The following GALNT14 variants were observed in gnomAD, a reference collection of about 807,000 sequenced individuals.
GALNT14 encodes the protein UDP-GalNAc:polypeptide N-acetylgalactosaminyltransferase 14.
GALNT14 carries 60 observed loss-of-function variants against 77.5 expected under a neutral mutation model. That is an observed-to-expected ratio of 0.77 (90% CI 0.63 to 0.96). The LOEUF is 0.96. Ranked by LOEUF, GALNT14 falls within the 40% of genes least tolerant of loss-of-function variation. GALNT14 has a pLI of 0.00. For missense variants in GALNT14, 710 were observed against 731.0 expected (o/e 0.97, Z 0.33); for synonymous variants, 280 against 281.7 (o/e 0.99, Z 0.06).
Position 30,949,935 on chromosome 2 carries a change from G to T in GALNT14, c.655-4065C>A, listed in dbSNP as rs10209824. Among the ~76,000 whole-genome samples the T allele has an allele frequency of 1.5e-4, 23 of 152,150 alleles. No individual in the cohort carries two copies. The South Asian group carries it at 3.5e-3, about 23-fold the overall frequency. Reference sequence around the variant, plus strand: ...GAATCCTCAAGGAGGTGACATTGTGGGGAAAGACAAGGACAGCTGGGTTGA... The same window carrying T: ...GAATCCTCAAGGAGGTGACATTGTGTGGAAAGACAAGGACAGCTGGGTTGA... On this transcript the variant is annotated intron_variant, in intron 6 of 14. Coordinates refer to ENST00000349752, the MANE Select transcript of GALNT14 (RefSeq NM_024572.4).
intron 2 of GALNT14, among the ~76,000 whole-genome samples, chr2:30,988,165 T>C (rs1423119142): frequency 6.6e-6 from 1 of 152,168 alleles, no homozygotes; most frequent in East Asian, 1.9e-4. Context: ...CTCCCTTTCA[T>C]TTGTTCAACA....
At chr2:31,009,933 A>G (rs1055378598) in intron 1 of GALNT14, among the ~76,000 whole-genome samples, 3 of 152,154 alleles carry the variant, frequency 2.0e-5, no homozygotes, top group African/African-American at 4.8e-5. Context: ...CACCAACTGC[A>G]TTCTGGAATA....
At chr2:30,993,997 A>C (rs1669872826) in intron 1 of GALNT14, among the ~76,000 whole-genome samples, 1 of 152,190 alleles carries the variant, frequency 6.6e-6, no homozygotes, top group Non-Finnish European at 1.5e-5. Flanking sequence ...GGACACTTAA[A>C]TTTGGTGGTC....
At chr2:31,035,118 G>A (rs533506041) in intron 1 of GALNT14, among the ~76,000 whole-genome samples, 7 of 152,204 alleles carry the variant, frequency 4.6e-5, no homozygotes, top group African/African-American at 7.2e-5. Flanking sequence ...GTTAGTTTGC[G>A]GTGTTGTTCA....
chr2:31,074,477 T>C (rs1675630570), intron 1 of GALNT14, among the ~76,000 whole-genome samples: 1 of 152,254 alleles, frequency 6.6e-6, no homozygotes, highest in South Asian at 2.1e-4. Flanking sequence ...GGGATTCTGC[T>C]GACCTGGGCT....
At chr2:31,102,826 T>A (rs1429178494) in intron 1 of GALNT14, among the ~76,000 whole-genome samples, 1 of 152,164 alleles carries the variant, frequency 6.6e-6, no homozygotes, top group East Asian at 1.9e-4. Context: ...CTGCTGTTTT[T>A]TTCATTGTGA....
At chr2:30,931,552 G>A (rs1463534421) in intron 10 of GALNT14, among the ~76,000 whole-genome samples, 1 of 152,062 alleles carries the variant, frequency 6.6e-6, no homozygotes, top group East Asian at 1.9e-4. Flanking sequence ...GCAGACAGGA[G>A]CCCAGGGTCT....
chr2:30,942,655 A>T (rs980889761), intron 8 of GALNT14, among the ~76,000 whole-genome samples: 2 of 152,172 alleles, frequency 1.3e-5, no homozygotes, highest in African/African-American at 4.8e-5. Flanking sequence ...CCTCTTCCAC[A>T]GGCTCTGCAC....
At position 31,090,427 on chromosome 2, in the gene GALNT14, C is replaced by T. The variant is rs117109068; in HGVS notation, c.129+47531G>A. Reference sequence around the variant, plus strand: ...CAGCACAGGTAGGCAGCGCATCTGACGCACCTGGAGAAAGCTCCAGCTCTG... The same window carrying T: ...CAGCACAGGTAGGCAGCGCATCTGATGCACCTGGAGAAAGCTCCAGCTCTG... On this transcript the variant is annotated intron_variant, in intron 1 of 14. Coordinates refer to ENST00000349752, the MANE Select transcript of GALNT14 (RefSeq NM_024572.4). Among the ~76,000 whole-genome samples, 24 of 151,272 alleles carry T rather than the reference C, an allele frequency of 1.6e-4. 1 individual carries two copies. In the East Asian group the frequency reaches 3.7e-3, roughly 23 times the overall value.
intron 1 of GALNT14, among the ~76,000 whole-genome samples, chr2:31,050,767 GT>G (rs1269353975): frequency 1.5e-5 from 1 of 65,264 alleles, no homozygotes; most frequent in South Asian, 6.7e-4. Context: ...AAAGCAAAAA[GT>G]TTTTTGTTTT....
At chr2:30,961,562 T>C (rs920720907) in intron 3 of GALNT14, among the ~76,000 whole-genome samples, 1 of 152,264 alleles carries the variant, frequency 6.6e-6, no homozygotes, top group African/African-American at 2.4e-5. Flanking sequence ...TTGAAGCTAA[T>C]AATAGCAATA....
chr2:30,943,045 C>T lies in GALNT14; in HGVS notation c.828-741G>A, dbSNP rs560870680. 2.6e-4 allele frequency among the ~76,000 whole-genome samples: 40 copies of T among 152,238 alleles called. No homozygotes were observed. The South Asian group carries it at 7.9e-3, about 30-fold the overall frequency. On this transcript the variant is annotated intron_variant, in intron 8 of 14. Transcript: ENST00000349752. ...ACACAGGGAAGACATGGCCATCTAC[C>T]GGCCAAGGAGAGAGGCCTAGAACAG...
At position 31,053,750 on chromosome 2, in the gene GALNT14, G is replaced by T. The variant is rs114816162; in HGVS notation, c.130-60743C>A. On this transcript the variant is annotated intron_variant, in intron 1 of 14. Transcript: ENST00000349752. ...CAAATACTTAGCTTCTGATTAGACA[G>T]GTTTCTTCACCACCTCGGCATCCAT... Among the ~76,000 whole-genome samples the T allele has an allele frequency of 5.3e-3, 811 of 152,288 alleles. 10 individuals carry two copies. Among genetic ancestry groups the T allele is most frequent in the African/African-American group, 0.019 (788 of 41,560 alleles).
chr2:30,948,042 G>A (rs183946403), intron 6 of GALNT14, among the ~76,000 whole-genome samples: 42 of 152,284 alleles, frequency 2.8e-4, no homozygotes, highest in African/African-American at 9.6e-4. Flanking sequence ...ATGTCAACAG[G>A]ATACATGGAT....
chr2:31,009,015 A>T (rs1234917551), intron 1 of GALNT14, among the ~76,000 whole-genome samples: 1 of 152,212 alleles, frequency 6.6e-6, no homozygotes, highest in African/African-American at 2.4e-5. Context: ...GCCCTTGAAC[A>T]AAATCAATGC....
chr2:31,028,524 A>G (rs1672215178), intron 1 of GALNT14, among the ~76,000 whole-genome samples: 3 of 152,354 alleles, frequency 2.0e-5, no homozygotes, highest in Admixed American at 6.5e-5. Context: ...CATCTCAGCT[A>G]GAGCCGCCAC....
intron 4 of GALNT14, among the ~76,000 whole-genome samples, chr2:30,957,267 T>C (rs1378008656): frequency 1.3e-5 from 2 of 152,156 alleles, no homozygotes; most frequent in Non-Finnish European, 1.5e-5. Flanking sequence ...ATATACCATC[T>C]CTGTTTTATA....
At chr2:30,908,836 G>A (rs1664217685), downstream of GALNT14, among the ~76,000 whole-genome samples, 1 of 147,862 alleles carries the variant, frequency 6.8e-6, no homozygotes, top group Non-Finnish European at 1.5e-5. Context: ...AACCAAAACA[G>A]CACGGTACTG....
At chr2:30,904,936 C>A in the GALNT14 span, among the ~76,000 whole-genome samples, 85 of 152,090 alleles carry the variant, frequency 5.6e-4, no homozygotes, top group African/African-American at 2.0e-3. Context: ...GGGAGGCACC[C>A]CCCAGCAGGG....
Sources: gnomAD v4.1 joint callset for allele counts (sites outside exome capture counted in the v4.1 genomes callset) on GRCh38, gnomAD v4.1.1 for gene constraint, MANE v1.5 for transcripts, NCBI Gene and HGNC (gene_info 2026-07-23, HGNC 2026-07-21) for gene names.